Variants in RNF144B observed in about 807,000 individuals in gnomAD.
RNF144B encodes ring finger protein 144B.
A neutral mutation model predicts 40.2 loss-of-function variants in RNF144B; 25 were observed. The observed-to-expected ratio is 0.62, with a 90% confidence interval of 0.45 to 0.87. RNF144B has a LOEUF of 0.87. Ranked by LOEUF, RNF144B falls within the 40% of genes least tolerant of loss-of-function variation. The pLI is 0.00. For missense variants in RNF144B, 365 were observed against 373.7 expected (o/e 0.98, Z 0.19); for synonymous variants, 145 against 136.3 (o/e 1.06, Z -0.44).
At position 18,457,235 on chromosome 6, in the gene RNF144B, G is replaced by A. The variant is rs1759350973; in HGVS notation, c.412G>A (p.Gly138Arg). 2 of 1,614,160 alleles carry A rather than the reference G, an allele frequency of 1.2e-6. No individual in the cohort carries two copies. The highest frequency in any genetic ancestry group is 1.7e-6 in the Non-Finnish European group (2 of 1,180,002). The change falls in exon 5 of 8, where the codon GGA becomes AGA. Residue 138 changes from glycine (G) to arginine (R), a missense_variant. By Grantham distance (125) the Gly-to-Arg change is moderately radical (BLOSUM62 -2). Transcript: ENST00000259939. This position sits in a 1 kb window ranked among gnomAD's most constrained non-coding sequence, Gnocchi z 5.1. ...TVCPVASSDP[G>R]QPVLVECPSC... ...GTGCCCTGTTGCCTCGAGTGACCCA[G>A]GACAGCCTGTGCTGGTGGAATGCCC... is the stretch of plus-strand genomic sequence containing the variant.
chr6:18,435,160 G>A (rs989712874), intron 3 of RNF144B, among the ~76,000 whole-genome samples: 1 of 152,124 alleles, frequency 6.6e-6, no homozygotes, highest in Admixed American at 6.5e-5. Context: ...TTTGTGCTTG[G>A]ATAGGAGAGA....
At chr6:18,433,879 A>G (rs1282216426) in intron 3 of RNF144B, among the ~76,000 whole-genome samples, 3 of 152,102 alleles carry the variant, frequency 2.0e-5, no homozygotes, top group Non-Finnish European at 4.4e-5. Context: ...TTGTGAAAAC[A>G]TTTTTAGTTC....
At position 18,456,779 on chromosome 6, in the gene RNF144B, G is replaced by A. The variant is rs73379243; in HGVS notation, c.332-376G>A. 4.7e-3 allele frequency among the ~76,000 whole-genome samples: 721 copies of A among 152,238 alleles called. 9 individuals carry two copies. The highest frequency in any genetic ancestry group is 0.016 in the African/African-American group (675 of 41,538). ...GTCAGTTTAAAAAAGAGGGTAAATGGGGCAGGTGTGGTGGCTCATGCCTGT... is the reference window on the plus strand; with the variant it reads ...GTCAGTTTAAAAAAGAGGGTAAATGAGGCAGGTGTGGTGGCTCATGCCTGT... On this transcript the variant is annotated intron_variant, in intron 4 of 7. Transcript: ENST00000259939. This position sits in a 1 kb window ranked among gnomAD's most constrained non-coding sequence, Gnocchi z 4.7.
chr6:18,403,632 G>A (rs570908196), intron 2 of RNF144B, among the ~76,000 whole-genome samples: 5 of 152,208 alleles, frequency 3.3e-5, no homozygotes, highest in African/African-American at 1.2e-4. Context: ...GGGGCCTGTC[G>A]GGTGACCTTT....
intron 4 of RNF144B, among the ~76,000 whole-genome samples, chr6:18,453,224 C>T (rs62397753): frequency 8.0e-5 from 12 of 149,090 alleles, no homozygotes; most frequent in African/African-American, 1.2e-4. Context: ...CTGCAACCTC[C>T]GCCTCCCAGG....
Position 18,442,096 on chromosome 6 carries a change from G to A in RNF144B, c.331+2352G>A, listed in dbSNP as rs1254312418. 2.0e-5 allele frequency among the ~76,000 whole-genome samples: 3 copies of A among 151,848 alleles called. No homozygotes were observed. Among genetic ancestry groups the A allele is most frequent in the Non-Finnish European group, 4.4e-5 (3 of 67,936 alleles). The stretch of plus-strand genomic sequence containing the variant: ...TTGGCAACATCCATCGTTATGTGGG[G>A]CAAGGTAGATGTGGAAAATCATTGG... On this transcript the variant is annotated intron_variant, in intron 4 of 7. Transcript: ENST00000259939. This position sits in a 1 kb window ranked among gnomAD's most constrained non-coding sequence, Gnocchi z 4.3.
chr6:18,411,235 G>A (rs762687794), intron 2 of RNF144B, among the ~76,000 whole-genome samples: 22 of 151,120 alleles, frequency 1.5e-4, no homozygotes, highest in Non-Finnish European at 2.5e-4. Flanking sequence ...TGCCTGCCTC[G>A]GCCTCCCAAA....
At position 18,450,039 on chromosome 6, in the gene RNF144B, A is replaced by G. The variant is rs532321306; in HGVS notation, c.332-7116A>G. ...CTTTTCTTATCCAAAAATGCCATTT[A>G]TGAATTTCTATAAATGATCTGTGTG... On this transcript the variant is annotated intron_variant, in intron 4 of 7. Coordinates refer to ENST00000259939, the MANE Select transcript of RNF144B (RefSeq NM_182757.4). The surrounding 1 kb of genome is among the most constrained non-coding windows in gnomAD (Gnocchi z 4.7). Among the ~76,000 whole-genome samples the G allele has an allele frequency of 6.6e-6, 1 of 152,326 alleles. No individual in the cohort carries two copies. The highest frequency in any genetic ancestry group is 2.1e-4 in the South Asian group (1 of 4,830).
chr6:18,399,489 C>T lies in RNF144B; in HGVS notation c.-36-10C>T. ...CCATATAATATTTTCTGCTTTGGAC[C>T]TTTCTATAGGGATTGAGGAGACTGA... On this transcript the variant is annotated splice_polypyrimidine_tract_variant and intron_variant, in intron 1 of 7. Transcript: ENST00000259939. 1 of 1,587,832 alleles carries T rather than the reference C, an allele frequency of 6.3e-7. No homozygotes were observed. The highest frequency in any genetic ancestry group is 8.6e-7 in the Non-Finnish European group (1 of 1,163,546).
rs1038444841 is a variant in RNF144B at position 18,410,250 on chromosome 6, C to T, written c.165+10551C>T. Among the ~76,000 whole-genome samples the T allele has an allele frequency of 2.0e-5, 3 of 152,180 alleles. No individual in the cohort carries two copies. Among genetic ancestry groups the T allele is most frequent in the Non-Finnish European group, 2.9e-5 (2 of 68,030 alleles). ...CCAATATTCTCTAAGTCTATTCCCA[C>T]CTTTGTCCAGACTCTACTGATCCAT... On this transcript the variant is annotated intron_variant, in intron 2 of 7. Coordinates refer to ENST00000259939, the MANE Select transcript of RNF144B (RefSeq NM_182757.4). The surrounding 1 kb of genome is among the most constrained non-coding windows in gnomAD (Gnocchi z 4.6).
chr6:18,409,375 CAAAAAAA>C (rs770011648), intron 2 of RNF144B, among the ~76,000 whole-genome samples: 1 of 59,560 alleles, frequency 1.7e-5, no homozygotes, highest in Non-Finnish European at 2.7e-5. Flanking sequence ...GAGACTGTCT[CAAAAAAA>C]AAAAAAAAAA....
At chr6:18,461,982 G>T (rs1759465579) in intron 6 of RNF144B, among the ~76,000 whole-genome samples, 1 of 152,100 alleles carries the variant, frequency 6.6e-6, no homozygotes, top group Non-Finnish European at 1.5e-5. Context: ...TCCTATTCCT[G>T]TCCATAGCCT....
At chr6:18,428,337 G>C (rs1758612459) in intron 3 of RNF144B, among the ~76,000 whole-genome samples, 1 of 152,154 alleles carries the variant, frequency 6.6e-6, no homozygotes, top group Non-Finnish European at 1.5e-5. Flanking sequence ...GAATGGTCTT[G>C]TAAATTGTAA....
At position 18,457,866 on chromosome 6, in the gene RNF144B, C is replaced by T. The variant is rs188985067; in HGVS notation, c.536+507C>T. 1.3e-5 allele frequency among the ~76,000 whole-genome samples: 2 copies of T among 152,296 alleles called. No individual in the cohort carries two copies. The highest frequency in any genetic ancestry group is 6.5e-5 in the Admixed American group (1 of 15,300). ...GGGTTCTCTCATGATATTTTATGCT[C>T]TGTAAAGGTTGAGATTTTATCGTGA... On this transcript the variant is annotated intron_variant, in intron 5 of 7. Transcript: ENST00000259939. This position sits in a 1 kb window ranked among gnomAD's most constrained non-coding sequence, Gnocchi z 5.1.
At chr6:18,407,732 C>T (rs1424332022) in intron 2 of RNF144B, among the ~76,000 whole-genome samples, 2 of 152,102 alleles carry the variant, frequency 1.3e-5, no homozygotes, top group Non-Finnish European at 2.9e-5. Flanking sequence ...TACTCACTAG[C>T]TGCATATTAT....
intron 2 of RNF144B, among the ~76,000 whole-genome samples, chr6:18,404,196 T>C (rs1348274826): frequency 6.6e-6 from 1 of 152,238 alleles, no homozygotes; most frequent in Non-Finnish European, 1.5e-5. Context: ...CTGTGGTGGA[T>C]CTTTCCTGGG....
chr6:18,463,343 G>A lies in RNF144B; in HGVS notation c.734G>A (p.Gly245Asp). The A allele has an allele frequency of 6.2e-7, 1 of 1,612,046 alleles. No homozygotes were observed. Among genetic ancestry groups the A allele is most frequent in the Non-Finnish European group, 8.5e-7 (1 of 1,178,164 alleles). The change falls in exon 7 of 8, where the codon GGC becomes GAC. Residue 245 changes from glycine (G) to aspartate (D), a missense_variant. Transcript: ENST00000259939. ...AAAGGGCCATGCAGGAATAAACTTG[G>A]CCACTCAAGAGCATCAGTGATGTGG... ...YDKGPCRNKL[G>D]HSRASVMWNR...
rs891063889 is a variant in RNF144B, at chr6:18,387,358, C to A, written c.-309C>A. 1.4e-5 allele frequency: 16 copies of A among 1,151,064 alleles called. No individual in the cohort carries two copies. Among genetic ancestry groups the A allele is most frequent in the African/African-American group, 1.6e-5 (1 of 60,832 alleles). 71.3% of individuals were successfully genotyped at this position (1,151,064 alleles called of 1,614,324 possible). ...CTGCTACCGCTGCTGGCGAGCTGTG[C>A]CCCACGCTCCCGCTGCAACAGTCCC... On this transcript the variant is annotated 5_prime_UTR_variant, in exon 1 of 8. Coordinates refer to ENST00000259939, the MANE Select transcript of RNF144B (RefSeq NM_182757.4).
At chr6:18,433,676 C>T (rs9358166) in intron 3 of RNF144B, among the ~76,000 whole-genome samples, 18,268 of 152,102 alleles carry the variant, frequency 0.12, 1,308 homozygotes, top group Admixed American at 0.19. Flanking sequence ...CAGTGGACTG[C>T]GAAGATCAGT....
Sources: allele counts gnomAD v4.1 joint callset (sites outside exome capture counted in the v4.1 genomes callset), GRCh38; gene constraint gnomAD v4.1.1; non-coding constraint Gnocchi (gnomAD v3.1); transcripts MANE v1.5; gene names NCBI Gene and HGNC (gene_info 2026-07-23, HGNC 2026-07-21).